The following FANCD2 variants were observed in gnomAD, a reference collection of about 807,000 sequenced individuals.
The protein encoded by FANCD2 is Fanconi anemia group D2 protein.
In FANCD2, 131 loss-of-function variants were observed where a neutral mutation model predicts 192.3. The observed-to-expected ratio is 0.68, with a 90% CI of 0.59 to 0.79. The LOEUF (loss-of-function observed/expected upper bound fraction) is 0.79. Among genes scored for constraint, FANCD2 ranks in the 30% least tolerant of loss-of-function variants. The pLI is 0.00. For missense variants in FANCD2, 1,508 were observed against 1,701.6 expected (o/e 0.89, Z 2.00); for synonymous variants, 524 against 612.5 (o/e 0.86, Z 2.13).
At position 10,067,314 on chromosome 3, in the gene FANCD2, G is replaced by A. The variant is rs754337112; in HGVS notation, c.2491G>A (p.Ala831Thr). The change falls in exon 26 of 44, where the codon GCA (alanine) becomes ACA (threonine). Residue 831 changes from alanine (A) to threonine (T), a missense_variant. Around this residue, in one of 5 missense-constraint regions of FANCD2, gnomAD observed 796 missense variants for 879.4 expected, o/e 0.91. Transcript: ENST00000675286. Reference sequence around the variant, plus strand: ...GCAAATAATCCTGGAAAAGTACTTGGCAGGTAAGAGAAGTGTCCTATACTG... The same window carrying A: ...GCAAATAATCCTGGAAAAGTACTTGACAGGTAAGAGAAGTGTCCTATACTG... ...ELQIILEKYL[A>T]VTPDYVPPLG... 6.3e-6 allele frequency: 10 copies of A among 1,598,636 alleles called. No homozygotes were observed. Among genetic ancestry groups the A allele is most frequent in the South Asian group, 1.1e-5 (1 of 90,504 alleles).
intron 32 of FANCD2, among the ~76,000 whole-genome samples, chr3:10,082,627 A>G (rs928258046): frequency 6.6e-6 from 1 of 152,066 alleles, no homozygotes; most frequent in African/African-American, 2.4e-5. Context: ...GCACATGTTC[A>G]TTCTCCTGCC....
rs757471770 is a variant in FANCD2 at position 10,088,519 on chromosome 3, T to A, written c.3537T>A (p.Asn1179Lys). Residue 1179 changes from asparagine (N) to lysine (K), a missense_variant, in exon 35 of 44, where the codon AAT (asparagine) becomes AAA (lysine). Coordinates refer to ENST00000675286, the MANE Select transcript of FANCD2 (RefSeq NM_001018115.3). ...ATAAAGAGAAGAGCAACATCTCTAA[T>A]GACCAGCTCCATGCTCTGCTCTGGT... ...SGDKEKSNIS[N>K]DQLHALLCIY... 2.5e-6 allele frequency: 4 copies of A among 1,607,076 alleles called. No homozygotes were observed. The South Asian group carries it at 4.4e-5, about 18-fold the overall frequency.
At chr3:10,041,537 C>G in intron 9 of FANCD2, 86 bp from the exon 10 acceptor site, 6 of 942,742 alleles carry the variant, frequency 6.4e-6, no homozygotes, top group Non-Finnish European at 1.0e-5. Flanking sequence ...TATTTTCATA[C>G]TCTAATAAAT....
intron 17 of FANCD2, among the ~76,000 whole-genome samples, chr3:10,050,048 T>C (rs2087149763): frequency 6.6e-6 from 1 of 152,176 alleles, no homozygotes; most frequent in Admixed American, 6.5e-5. Context: ...TGGTAAGACA[T>C]AGGACAGGCC....
At chr3:10,067,400 C>G (rs762109767) in intron 26 of FANCD2, 83 bp downstream of exon 26, 1 of 783,540 alleles carries the variant, frequency 1.3e-6, no homozygotes, top group Non-Finnish European at 2.2e-6. Context: ...ATACCAAAAC[C>G]AGACAAAGAC....
intron 14 of FANCD2, among the ~76,000 whole-genome samples, chr3:10,044,521 A>T (rs2086948371): frequency 6.6e-6 from 1 of 152,062 alleles, no homozygotes; most frequent in African/African-American, 2.4e-5. Context: ...TACAAAAAAA[A>T]TTAGCCTGGC....
intron 26 of FANCD2, among the ~76,000 whole-genome samples, chr3:10,068,401 C>A (rs2087779159): frequency 6.6e-6 from 1 of 151,320 alleles, no homozygotes; most frequent in Admixed American, 6.6e-5. Flanking sequence ...ATAAAATAAA[C>A]AAAAGTTACA....
chr3:10,078,067 C>T lies in FANCD2; in HGVS notation c.2860-14C>T, dbSNP rs1693629520. On this transcript the variant is annotated splice_polypyrimidine_tract_variant and intron_variant, in intron 29 of 43. Transcript: ENST00000675286. The stretch of plus-strand genomic sequence containing the variant: ...AGGACATTCCTGGAACTAATCCTTT[C>T]CTCCATGTGACAGGCTACAGAAGTT... 3 of 1,544,116 alleles carry T rather than the reference C, an allele frequency of 1.9e-6. No individual in the cohort carries two copies. Among genetic ancestry groups the T allele is most frequent in the Non-Finnish European group, 2.7e-6 (3 of 1,116,622 alleles).
chr3:10,076,554 C>CT (rs1185082828), intron 29 of FANCD2, among the ~76,000 whole-genome samples: 1 of 151,720 alleles, frequency 6.6e-6, no homozygotes, highest in Non-Finnish European at 1.5e-5. Flanking sequence ...CCTCTTTTTT[C>CT]TTTTTAGAGA....
At chr3:10,041,759 C>A in intron 10 of FANCD2, 49 bp downstream of exon 10, 1 of 1,279,246 alleles carries the variant, frequency 7.8e-7, no homozygotes, top group Non-Finnish European at 1.1e-6. Context: ...TCCAACCTCC[C>A]AGAACAAGTG....
chr3:10,101,045 G>C, intron 43 of FANCD2, 143 bp from the exon 44 acceptor site: 1 of 610,040 alleles, frequency 1.6e-6, no homozygotes, highest in Non-Finnish European at 2.9e-6. Context: ...TTCCAGCCTG[G>C]TGACAGAGCA....
rs142043029 is a variant in FANCD2 at position 10,086,876 on chromosome 3, G to A, written c.3336-258G>A. Among the ~76,000 whole-genome samples the A allele has an allele frequency of 6.4e-3, 967 of 152,260 alleles. 3 individuals carry two copies. The highest frequency in any genetic ancestry group is 9.1e-3 in the Non-Finnish European group (617 of 68,030). ...TTGTACATATTAGCGTGGTGCTTGG[G>A]TTTCTCAGCATACATGACCCCTTCA... On this transcript the variant is annotated intron_variant, in intron 33 of 43. Transcript: ENST00000675286.
Position 10,043,502 on chromosome 3 carries a change from A to G in FANCD2, c.1008A>G (p.Glu336=), listed in dbSNP as rs565339697. The part of the protein sequence containing the change: ...KGRASSSGNQ[E]SSGQSCIILL... ...CTTGTAGTTCCTCAGGAAATCAAGA[A>G]AGCAGCGGTCAGAGCTGTATTATTC... The change falls in exon 13 of 44, where the codon GAA becomes GAG. Residue 336 remains glutamate, a synonymous_variant. Coordinates refer to ENST00000675286, the MANE Select transcript of FANCD2 (RefSeq NM_001018115.3). 6.2e-7 allele frequency: 1 copy of G among 1,613,736 alleles called. No homozygotes were observed. The highest frequency in any genetic ancestry group is 8.5e-7 in the Non-Finnish European group (1 of 1,179,652).
intron 15 of FANCD2, among the ~76,000 whole-genome samples, chr3:10,046,986 C>G (rs949686735): frequency 6.6e-6 from 1 of 152,294 alleles, no homozygotes; most frequent in African/African-American, 2.4e-5. Flanking sequence ...AAATATGTAC[C>G]TATTTGAACT....
chr3:10,069,869 C>T (rs1024984559), intron 26 of FANCD2, among the ~76,000 whole-genome samples: 16 of 152,220 alleles, frequency 1.1e-4, no homozygotes, highest in African/African-American at 3.8e-4. Flanking sequence ...ATTGCAGCCT[C>T]TGCCCGGCCG....
intron 18 of FANCD2, among the ~76,000 whole-genome samples, chr3:10,053,225 G>A (rs1370134588): frequency 1.3e-5 from 2 of 150,922 alleles, no homozygotes; most frequent in Non-Finnish European, 2.9e-5. Flanking sequence ...CATGTCCTTT[G>A]TAGGGACATG....
chr3:10,082,499 T>G (rs1456715232), intron 32 of FANCD2, among the ~76,000 whole-genome samples: 6 of 152,212 alleles, frequency 3.9e-5, no homozygotes, highest in African/African-American at 1.4e-4. Flanking sequence ...TAAAACTCTC[T>G]TACCTAGCCT....
chr3:10,072,553 T>C (rs1693312805), intron 26 of FANCD2, among the ~76,000 whole-genome samples: 1 of 152,256 alleles, frequency 6.6e-6, no homozygotes, highest in Admixed American at 6.5e-5. Context: ...TGCTTGGGGT[T>C]ACAGGCGCGA....
chr3:10,050,510 C>G (rs1209249863), intron 17 of FANCD2, among the ~76,000 whole-genome samples: 1 of 151,206 alleles, frequency 6.6e-6, no homozygotes, highest in Admixed American at 6.6e-5. Context: ...GTAGTCCCAG[C>G]TACTCAAGAG....
Sources: allele counts gnomAD v4.1 joint callset (sites outside exome capture counted in the v4.1 genomes callset), GRCh38; gene constraint gnomAD v4.1.1; regional missense constraint gnomAD v4.1.1; transcripts MANE v1.5; gene names NCBI Gene and HGNC (gene_info 2026-07-23, HGNC 2026-07-21).